Variants in CYB5B observed in about 807,000 individuals in gnomAD.
CYB5B encodes cytochrome b5 type B.
In CYB5B, 14 loss-of-function variants were observed where a neutral mutation model predicts 21.3. The ratio of observed to expected loss-of-function variants is 0.66; its 90% CI spans 0.43 to 1.03. CYB5B has a LOEUF of 1.03. Ranked by LOEUF, CYB5B falls within the 50% of genes least tolerant of loss-of-function variation. CYB5B has a pLI of 0.00. For synonymous variants in CYB5B, 69 were observed against 68.4 expected, an observed-to-expected ratio of 1.01 and a Z score of -0.04; for missense variants, 166 against 185.1, an observed-to-expected ratio of 0.90 and a Z score of 0.60.
chr16:69,451,942 C>CA (rs1214465929), intron 3 of CYB5B, among the ~76,000 whole-genome samples: 7,526 of 64,354 alleles, frequency 0.12, 394 homozygotes, highest in South Asian at 0.2. Context: ...GACGCCGTCT[C>CA]AAAAAAAAAA....
In CYB5B at chr16:69,465,231, G is replaced by A. The variant is rs528358451; in HGVS notation, c.*2711G>A. 2.1e-4 allele frequency: 32 copies of A among 154,476 alleles called. No homozygotes were observed. In the South Asian group the frequency reaches 6.4e-3, roughly 31 times the overall value. 9.6% of individuals were successfully genotyped at this position (154,476 alleles called of 1,614,324 possible). A position where few individuals can be genotyped will look rare whatever the true frequency, so the allele number is the denominator to read the frequency against. Reference sequence around the variant, plus strand: ...TGCTGCTGCTGCTGCAAACTGTACTGTACACATCATGGCTGCTGGACACGA... The same window carrying A: ...TGCTGCTGCTGCTGCAAACTGTACTATACACATCATGGCTGCTGGACACGA... On this transcript the variant is annotated 3_prime_UTR_variant, in exon 5 of 5. Transcript: ENST00000307892.
At chr16:69,449,891 C>G (rs536729469) in intron 3 of CYB5B, 12 of 152,052 alleles carry the variant, frequency 7.9e-5, no homozygotes, top group African/African-American at 2.4e-4. Context: ...TTCTATAGGC[C>G]AAAGGATTAG....
intron 1 of CYB5B, among the ~76,000 whole-genome samples, chr16:69,439,825 C>T (rs1028697998): frequency 3.3e-5 from 5 of 152,080 alleles, no homozygotes; most frequent in Non-Finnish European, 7.3e-5. Flanking sequence ...CCTCAGCCTC[C>T]CAAAGTGCTG....
At position 69,424,864 on chromosome 16, in the gene CYB5B, CCTGGG is replaced by C; in HGVS notation, c.174+8_174+12del. 1 of 1,564,894 alleles carries C rather than the reference CCTGGG, an allele frequency of 6.4e-7. No homozygotes were observed. The highest frequency in any genetic ancestry group is 1.2e-5 in the South Asian group (1 of 85,000). ...CACCCGCTTCCTCAACGAGGTGGGGCCTGGGAGGTGGGAGGCCTCTGAAGCTGCTG... is the reference window on the plus strand; with the variant it reads ...CACCCGCTTCCTCAACGAGGTGGGGCAGGTGGGAGGCCTCTGAAGCTGCTG... On this transcript the variant is annotated splice_region_variant and intron_variant, in intron 1 of 4. Coordinates refer to ENST00000307892, the MANE Select transcript of CYB5B (RefSeq NM_030579.3).
intron 1 of CYB5B, among the ~76,000 whole-genome samples, chr16:69,446,365 C>T (rs1390823847): frequency 6.6e-6 from 1 of 151,950 alleles, no homozygotes. Context: ...ACTCTTTTGC[C>T]CAGGCTGGAG....
Position 69,453,509 on chromosome 16 carries a change from G to C in CYB5B, c.333+5365G>C, listed in dbSNP as rs965431899. Among the ~76,000 whole-genome samples the C allele has an allele frequency of 1.2e-4, 18 of 152,204 alleles. 1 individual carries two copies. The highest frequency in any genetic ancestry group is 1.0e-3 in the Admixed American group (16 of 15,272). The stretch of plus-strand genomic sequence containing the variant: ...GACAAGCAGTGATTGCTATTTACCA[G>C]AGAATTTTGTCTGGTTATTTCCTGA... On this transcript the variant is annotated intron_variant, in intron 3 of 4. Transcript: ENST00000307892.
intron 1 of CYB5B, among the ~76,000 whole-genome samples, chr16:69,440,745 C>CATGTGTGTGTGT (rs71385604): frequency 6.8e-6 from 1 of 146,318 alleles, no homozygotes; most frequent in Non-Finnish European, 1.5e-5. Flanking sequence ...GTGTGTGTTG[C>CATGTGTGTGTGT]GTGTGTGTGT....
intron 1 of CYB5B, among the ~76,000 whole-genome samples, chr16:69,445,109 T>A (rs1343178136): frequency 6.6e-6 from 1 of 152,218 alleles, no homozygotes; most frequent in Non-Finnish European, 1.5e-5. Flanking sequence ...GGCAACACAA[T>A]AGTTGGGTTG....
chr16:69,427,464 A>G (rs13337337), intron 1 of CYB5B, among the ~76,000 whole-genome samples: 26,250 of 151,870 alleles, frequency 0.17, 2,389 homozygotes, highest in Middle Eastern at 0.25. Context: ...TGATATAGCC[A>G]GAGACATCAC....
chr16:69,462,570 G>A lies in CYB5B; in HGVS notation c.*50G>A. ...TGCATCCACTTTGGGGCGAAAACTA[G>A]AGACTTGCTTGGGGGCTGCAGAAGT... On this transcript the variant is annotated 3_prime_UTR_variant, in exon 5 of 5. Transcript: ENST00000307892. The A allele has an allele frequency of 6.7e-7, 1 of 1,494,870 alleles. No homozygotes were observed. The highest frequency in any genetic ancestry group is 1.4e-5 in the African/African-American group (1 of 72,580). The allele number at this position is 1,494,870 out of a possible 1,614,324, so 92.6% of individuals were successfully genotyped here. A position where few individuals can be genotyped will look rare whatever the true frequency, so the allele number is the denominator to read the frequency against.
Position 69,466,035 on chromosome 16 carries a change from G to A in CYB5B, c.*3515G>A, listed in dbSNP as rs1485162969. The A allele has an allele frequency of 6.6e-6, 1 of 152,386 alleles. No homozygotes were observed. The highest frequency in any genetic ancestry group is 2.4e-5 in the African/African-American group (1 of 41,284). The allele number at this position is 152,386 out of a possible 1,614,324, so 9.4% of individuals were successfully genotyped here. On this transcript the variant is annotated 3_prime_UTR_variant, in exon 5 of 5. Transcript: ENST00000307892. ...CTCTTTGCCCACGCTTGTATCCTAC[G>A]TTTGCTATTTGGGCAAACCATTACT...
At chr16:69,429,046 A>G (rs142708039) in intron 1 of CYB5B, among the ~76,000 whole-genome samples, 1 of 152,348 alleles carries the variant, frequency 6.6e-6, no homozygotes, top group East Asian at 1.9e-4. Context: ...GAAGAGTGAC[A>G]TGATGTGACT....
At chr16:69,429,028 T>C (rs957726247) in intron 1 of CYB5B, among the ~76,000 whole-genome samples, 15 of 152,162 alleles carry the variant, frequency 9.9e-5, no homozygotes, top group Admixed American at 9.2e-4. Flanking sequence ...TGGGAAATCA[T>C]TGGAGCAGAA....
At chr16:69,458,986 A>G (rs978852007) in intron 3 of CYB5B, 107 bp from the exon 4 acceptor site, 2 of 956,566 alleles carry the variant, frequency 2.1e-6, no homozygotes, top group African/African-American at 1.7e-5. Context: ...AAGTTCTGGT[A>G]TCAGTTACAG....
At chr16:69,457,997 T>C (rs2142827477) in intron 3 of CYB5B, among the ~76,000 whole-genome samples, 1 of 152,278 alleles carries the variant, frequency 6.6e-6, no homozygotes, top group Admixed American at 6.5e-5. Flanking sequence ...GCAAAGATGG[T>C]ATTTTGGGCA....
At chr16:69,442,599 G>A (rs2014835432) in intron 1 of CYB5B, among the ~76,000 whole-genome samples, 1 of 151,444 alleles carries the variant, frequency 6.6e-6, no homozygotes, top group Admixed American at 6.6e-5. Flanking sequence ...GCCATGCCTC[G>A]AATTCCTTGG....
At chr16:69,437,624 A>C (rs1414184634) in intron 1 of CYB5B, among the ~76,000 whole-genome samples, 2 of 152,152 alleles carry the variant, frequency 1.3e-5, no homozygotes, top group Non-Finnish European at 2.9e-5. Context: ...TAGATAACAA[A>C]ATTTGCCATT....
chr16:69,436,666 C>A (rs916849086), intron 1 of CYB5B, among the ~76,000 whole-genome samples: 3 of 152,176 alleles, frequency 2.0e-5, no homozygotes, highest in African/African-American at 7.2e-5. Context: ...TAGAGGACCC[C>A]CTTTTCATCA....
intron 4 of CYB5B, 43 bp from the exon 5 acceptor site, chr16:69,462,386 CT>C (rs1305935810): frequency 2.0e-6 from 3 of 1,471,062 alleles, no homozygotes; most frequent in Non-Finnish European, 2.9e-6. Flanking sequence ...GAACATTTGG[CT>C]TAAAATATTA....
Sources: allele counts gnomAD v4.1 joint callset (sites outside exome capture counted in the v4.1 genomes callset), GRCh38; gene constraint gnomAD v4.1.1; transcripts MANE v1.5; gene names NCBI Gene and HGNC (gene_info 2026-07-23, HGNC 2026-07-21).